The following RNF216 variants were observed in gnomAD, a reference collection of about 807,000 sequenced individuals.
RNF216 encodes E3 ubiquitin-protein ligase RNF216.
In RNF216, 72 loss-of-function variants were observed where a neutral mutation model predicts 110.8. The observed-to-expected ratio is 0.65, with a 90% CI of 0.54 to 0.79. The LOEUF (loss-of-function observed/expected upper bound fraction) is 0.79. RNF216 is among the 30% of genes least tolerant of loss of function. The pLI is 0.00. For synonymous variants in RNF216, 495 were observed against 407.5 expected (o/e 1.21, Z -2.59); for missense variants, 1,342 against 1,141.2 (o/e 1.18, Z -2.54).
chr7:5,720,739 T>G (rs1289467948), intron 9 of RNF216, among the ~76,000 whole-genome samples: 4 of 152,172 alleles, frequency 2.6e-5, no homozygotes, highest in African/African-American at 9.7e-5. Context: ...ACTTGCACAT[T>G]TGATACTATA....
At chr7:5,744,634 C>A (rs750775455) in intron 3 of RNF216, among the ~76,000 whole-genome samples, 41 of 152,054 alleles carry the variant, frequency 2.7e-4, no homozygotes, top group Admixed American at 1.4e-3. Context: ...TCTGAAGACT[C>A]TACAAAACAA....
chr7:5,711,435 G>A (rs995548212), intron 13 of RNF216, among the ~76,000 whole-genome samples: 19 of 152,142 alleles, frequency 1.2e-4, no homozygotes, highest in Admixed American at 4.6e-4. Flanking sequence ...GAGCACAGGT[G>A]GTGAAGAGAG....
At chr7:5,774,777 A>G (rs1416248060) in intron 1 of RNF216, among the ~76,000 whole-genome samples, 1 of 150,554 alleles carries the variant, frequency 6.6e-6, no homozygotes, top group Non-Finnish European at 1.5e-5. Flanking sequence ...TTTTTTATTG[A>G]GACGAAGTTT....
chr7:5,712,006 C>A, intron 12 of RNF216, 167 bp from the exon 13 acceptor site: 2 of 612,188 alleles, frequency 3.3e-6, no homozygotes, highest in Non-Finnish European at 5.8e-6. Context: ...CTTCTTTGTG[C>A]TGGCTCTTAT....
intron 13 of RNF216, among the ~76,000 whole-genome samples, chr7:5,659,705 C>T (rs999801126): frequency 6.6e-5 from 10 of 152,088 alleles, no homozygotes; most frequent in Admixed American, 3.3e-4. Context: ...GGAACAGGCT[C>T]GGAGTGTGGA....
intron 9 of RNF216, 115 bp from the exon 10 acceptor site, chr7:5,716,881 G>T: frequency 1.4e-6 from 1 of 727,742 alleles, no homozygotes. Flanking sequence ...CAATTACACA[G>T]TTTAGCAGTT....
intron 1 of RNF216, among the ~76,000 whole-genome samples, chr7:5,773,824 C>T (rs1306055855): frequency 1.3e-5 from 2 of 152,186 alleles, no homozygotes; most frequent in African/African-American, 4.8e-5. Context: ...GCCTCAGCCT[C>T]CCAAAGTCCT....
At chr7:5,761,916 T>C (rs1390097367) in intron 1 of RNF216, among the ~76,000 whole-genome samples, 2 of 152,218 alleles carry the variant, frequency 1.3e-5, no homozygotes, top group Non-Finnish European at 2.9e-5. Flanking sequence ...TGAATAGCAA[T>C]TAGCAATACG....
chr7:5,714,703 T>C (rs1792929891), intron 11 of RNF216, among the ~76,000 whole-genome samples: 1 of 152,218 alleles, frequency 6.6e-6, no homozygotes, highest in African/African-American at 2.4e-5. Flanking sequence ...AGAAATATGA[T>C]CTTGTGTAAA....
chr7:5,724,610 T>C (rs760823895), intron 8 of RNF216, among the ~76,000 whole-genome samples: 13 of 152,154 alleles, frequency 8.5e-5, no homozygotes, highest in Non-Finnish European at 1.9e-4. Context: ...GCCTAAGGGA[T>C]TTTCTTTTAG....
At chr7:5,756,324 T>C (rs1308649602) in intron 2 of RNF216, among the ~76,000 whole-genome samples, 2 of 152,238 alleles carry the variant, frequency 1.3e-5, no homozygotes, top group Non-Finnish European at 1.5e-5. Context: ...CATTTCTTCC[T>C]AGCAGTGTGA....
chr7:5,695,424 G>A (rs957957652), intron 13 of RNF216, among the ~76,000 whole-genome samples: 2 of 152,088 alleles, frequency 1.3e-5, no homozygotes, highest in Non-Finnish European at 2.9e-5. Context: ...TTCCTCTCCT[G>A]TTTTTTCTTA....
Position 5,623,171 on chromosome 7 carries a change from A to G in RNF216, c.2461T>C (p.Phe821Leu). ...EQKRKNGENT[F>L]KRIGPPLEKP... ...TCCAGCGGGGGTCCAATGCGTTTGA[A>G]GGTGTTCTCTGAAAGGGATGTGGGG... Residue 821 changes from phenylalanine (F) to leucine (L), a missense_variant, in exon 17 of 17, where the codon TTC becomes CTC. Transcript: ENST00000389902. The G allele has an allele frequency of 6.4e-7, 1 of 1,554,628 alleles. No homozygotes were observed. The highest frequency in any genetic ancestry group is 8.7e-7 in the Non-Finnish European group (1 of 1,144,722).
chr7:5,639,788 C>G (rs1787620791), intron 15 of RNF216, among the ~76,000 whole-genome samples: 1 of 149,388 alleles, frequency 6.7e-6, no homozygotes, highest in South Asian at 2.1e-4. Context: ...GAGACGGAGT[C>G]TCGCTCTGTC....
intron 13 of RNF216, among the ~76,000 whole-genome samples, chr7:5,694,093 A>T (rs1007786313): frequency 6.6e-6 from 1 of 152,184 alleles, no homozygotes; most frequent in African/African-American, 2.4e-5. Context: ...AGGAAATTAT[A>T]CCACTTAGCT....
At chr7:5,780,467 C>T (rs1268499744) in intron 1 of RNF216, among the ~76,000 whole-genome samples, 2 of 152,104 alleles carry the variant, frequency 1.3e-5, no homozygotes, top group East Asian at 1.9e-4. Flanking sequence ...GAGGCCGAGG[C>T]GGAGGGATCA....
Position 5,623,154 on chromosome 7 carries a change from G to A in RNF216, c.2478C>T (p.Pro826=), listed in dbSNP as rs543501583. The change falls in exon 17 of 17, where the codon CCC becomes CCT. Residue 826 remains proline (P), a synonymous_variant. Coordinates refer to ENST00000389902, the MANE Select transcript of RNF216 (RefSeq NM_207111.4). ...NGENTFKRIG[P]PLEKPVEKVQ... ...CCTTCTCCACAGGCTTCTCCAGCGG[G>A]GGTCCAATGCGTTTGAAGGTGTTCT... The A allele has an allele frequency of 2.5e-6, 4 of 1,577,340 alleles. No homozygotes were observed. Among genetic ancestry groups the A allele is most frequent in the African/African-American group, 2.7e-5 (2 of 74,316 alleles).
At chr7:5,636,805 A>G (rs771858096) in intron 15 of RNF216, among the ~76,000 whole-genome samples, 3 of 152,210 alleles carry the variant, frequency 2.0e-5, no homozygotes. Flanking sequence ...GCAAATCTAG[A>G]AACTTTCTCA....
chr7:5,725,258 C>T lies in RNF216; in HGVS notation c.1504+66G>A, dbSNP rs1039920812. The T allele has an allele frequency of 9.3e-6, 9 of 971,032 alleles. No individual in the cohort carries two copies. The African/African-American group carries it at 1.1e-4, about 12-fold the overall frequency. The allele number at this position is 971,032 out of a possible 1,614,324, so 60.2% of individuals were successfully genotyped here. ...GACACCTGTAGCACGGCTTCCTTCA[C>T]TGACTGTGAAGAAGAAAAGGTACAG... On this transcript the variant is annotated intron_variant, in intron 8 of 16. Transcript: ENST00000389902.
Sources: allele counts gnomAD v4.1 joint callset (sites outside exome capture counted in the v4.1 genomes callset), GRCh38; gene constraint gnomAD v4.1.1; transcripts MANE v1.5; gene names NCBI Gene and HGNC (gene_info 2026-07-23, HGNC 2026-07-21).